COL4A6: variants seen among roughly 807,000 people sequenced by gnomAD.
COL4A6 encodes collagen type IV alpha 6 chain, also known as collagen alpha-6(IV) chain.
Under a neutral mutation model 126.7 loss-of-function variants are expected in COL4A6, and 59 were observed. The observed-to-expected ratio is 0.47, with a 90% CI of 0.38 to 0.58. The LOEUF (loss-of-function observed/expected upper bound fraction) is 0.58. Among genes scored for constraint, COL4A6 ranks in the 20% least tolerant of loss-of-function variants. The probability of loss-of-function intolerance (pLI) is 0.00; values close to 1 mark genes in which losing one functional copy is unlikely to be tolerated. For synonymous variants in COL4A6, 547 were observed against 496.6 expected (o/e 1.10, Z -1.35); for missense variants, 1,285 against 1,337.3 (o/e 0.96, Z 0.61).
chrX:108,238,736 G>C (rs1362491547), intron 3 of COL4A6, among the ~76,000 whole-genome samples: 1 of 109,298 alleles, frequency 9.1e-6, no homozygotes, highest in Non-Finnish European at 1.9e-5. Flanking sequence ...GAGGTTTCTG[G>C]GTATAGGAAT....
At chrX:108,298,639 C>T (rs1321549555) in intron 3 of COL4A6, among the ~76,000 whole-genome samples, 1 of 110,707 alleles carries the variant, frequency 9.0e-6, no homozygotes, top group Non-Finnish European at 1.9e-5. Context: ...GATCAGGTTC[C>T]CCTCAGGAAT....
chrX:108,195,272 C>T (rs890730461), intron 14 of COL4A6, 146 bp from the exon 15 acceptor site: 18 of 334,231 alleles, frequency 5.4e-5, no homozygotes, highest in South Asian at 2.1e-4. Flanking sequence ...CCTAGCTTAA[C>T]GACTTTTTTT....
At chrX:108,188,702 C>T (rs376531829) in intron 20 of COL4A6, 25 bp from the exon 21 acceptor site, 40 of 1,090,744 alleles carry the variant, frequency 3.7e-5, no homozygotes, top group Non-Finnish European at 4.1e-5. Flanking sequence ...CAACATAGAA[C>T]GAAGTGGGTC....
At chrX:108,274,988 G>A (rs1260874771) in intron 3 of COL4A6, among the ~76,000 whole-genome samples, 1 of 111,128 alleles carries the variant, frequency 9.0e-6, no homozygotes, top group African/African-American at 3.3e-5. Flanking sequence ...CATATAGGCG[G>A]GGGTGGGAGT....
At chrX:108,254,505 TTTG>T (rs2036941177) in intron 3 of COL4A6, among the ~76,000 whole-genome samples, 1 of 110,908 alleles carries the variant, frequency 9.0e-6, no homozygotes, top group Admixed American at 9.6e-5. Context: ...TCACTTTGTT[TTTG>T]TTTTTTGTTT....
At chrX:108,223,498 T>G (rs936617882) in intron 3 of COL4A6, among the ~76,000 whole-genome samples, 10 of 108,974 alleles carry the variant, frequency 9.2e-5, no homozygotes, top group African/African-American at 3.4e-4. Context: ...GAAAAAAGAG[T>G]TGGCAATGGA....
At chrX:108,427,006 A>C (rs1040732732) in intron 2 of COL4A6, among the ~76,000 whole-genome samples, 1 of 112,264 alleles carries the variant, frequency 8.9e-6, no homozygotes, top group Non-Finnish European at 1.9e-5. Context: ...ATAAATGTGG[A>C]AGGACCAGAT....
At chrX:108,423,053 C>T (rs765098629) in intron 2 of COL4A6, among the ~76,000 whole-genome samples, 4 of 112,212 alleles carry the variant, frequency 3.6e-5, no homozygotes, top group African/African-American at 6.5e-5. Context: ...CTTTAGTTTG[C>T]GATTTCTTTA....
In COL4A6 at chrX:108,392,871, G is replaced by A. The variant is rs1210412456; in HGVS notation, c.63+45071C>T. Among the ~76,000 whole-genome samples the A allele has an allele frequency of 2.7e-5, 3 of 111,733 alleles. No individual in the cohort carries two copies. The East Asian group carries it at 8.4e-4, about 31-fold the overall frequency. On this transcript the variant is annotated intron_variant, in intron 2 of 44. Coordinates refer to ENST00000334504, the MANE Select transcript of COL4A6 (RefSeq NM_033641.4). ...TGTTGATGCCTTAATCTTGAATTTT[G>A]TAGCCTATAGAACTGTGTAAAATAA...
chrX:108,339,000 A>G, intron 2 of COL4A6, among the ~76,000 whole-genome samples: 1 of 111,341 alleles, frequency 9.0e-6, no homozygotes, highest in East Asian at 2.8e-4. Flanking sequence ...TTTCACTCAT[A>G]CCCAACTTCC....
At position 108,195,542 on chromosome X, in the gene COL4A6, G is replaced by T. The variant is rs752796603; in HGVS notation, c.904-416C>A. ...CCGCCTTGGCCTCCCAAAGTGCTGG[G>T]ATTACAGACATGAGCCACCGTGCCT... On this transcript the variant is annotated intron_variant, in intron 14 of 44. Transcript: ENST00000334504. Among the ~76,000 whole-genome samples, 3 of 112,495 alleles carry T rather than the reference G, an allele frequency of 2.7e-5. No individual in the cohort carries two copies. The South Asian group carries it at 1.1e-3, about 41-fold the overall frequency.
chrX:108,210,735 T>C (rs2035678851), intron 7 of COL4A6, among the ~76,000 whole-genome samples: 1 of 111,762 alleles, frequency 8.9e-6, no homozygotes, highest in Non-Finnish European at 1.9e-5. Flanking sequence ...ATAGCCTCAG[T>C]ACACCTCAGT....
At chrX:108,355,495 G>A (rs184396035) in intron 2 of COL4A6, among the ~76,000 whole-genome samples, 116 of 112,343 alleles carry the variant, frequency 1.0e-3, no homozygotes, top group African/African-American at 3.3e-3. Flanking sequence ...TGGTGAACAA[G>A]GCAGACAAGG....
At chrX:108,209,811 C>G (rs1379679275) in intron 8 of COL4A6, among the ~76,000 whole-genome samples, 158 bp downstream of exon 8, 1 of 112,244 alleles carries the variant, frequency 8.9e-6, no homozygotes, top group African/African-American at 3.2e-5. Context: ...AGTGCTTTCT[C>G]ATTTGGAAAA....
At chrX:108,209,528 C>T (rs1336322708) in intron 8 of COL4A6, among the ~76,000 whole-genome samples, 2 of 112,041 alleles carry the variant, frequency 1.8e-5, no homozygotes, top group Non-Finnish European at 3.8e-5. Context: ...AAATAATGCT[C>T]TTATTAACAT....
At chrX:108,391,188 G>A (rs190690433) in intron 2 of COL4A6, among the ~76,000 whole-genome samples, 1 of 111,933 alleles carries the variant, frequency 8.9e-6, no homozygotes, top group Admixed American at 9.4e-5. Flanking sequence ...GCCCACTTGA[G>A]CAGGCAGTCA....
intron 5 of COL4A6, 62 bp downstream of exon 5, chrX:108,219,636 G>A (rs1028705628): frequency 5.8e-6 from 6 of 1,033,947 alleles, no homozygotes; most frequent in African/African-American, 3.8e-5. Flanking sequence ...AGGTCAAAGT[G>A]TCCAAAATAT....
chrX:108,188,761 G>A (rs1217574638), intron 20 of COL4A6, 84 bp from the exon 21 acceptor site: 1 of 925,904 alleles, frequency 1.1e-6, no homozygotes, highest in African/African-American at 2.0e-5. Context: ...TTTGTGACTT[G>A]AACAACTCCA....
chrX:108,230,617 T>C (rs1236494867), intron 3 of COL4A6, among the ~76,000 whole-genome samples: 1 of 112,257 alleles, frequency 8.9e-6, no homozygotes, highest in Non-Finnish European at 1.9e-5. Context: ...AAGATACTAA[T>C]AATAACACCC....
Sources: allele counts gnomAD v4.1 joint callset (sites outside exome capture counted in the v4.1 genomes callset), GRCh38; gene constraint gnomAD v4.1.1; transcripts MANE v1.5; gene names NCBI Gene and HGNC (gene_info 2026-07-23, HGNC 2026-07-21).